Variants in CAPZA2 observed in about 807,000 individuals in gnomAD.
The protein encoded by CAPZA2 is capping actin protein of muscle Z-line subunit alpha 2, also known as F-actin-capping protein subunit alpha-2.
CAPZA2 carries 13 observed loss-of-function variants against 44.0 expected under a neutral mutation model. That is an observed-to-expected ratio of 0.30 (90% CI 0.19 to 0.47). The LOEUF (loss-of-function observed/expected upper bound fraction) is 0.47, where lower values mean the gene tolerates loss of function less well. Among genes scored for constraint, CAPZA2 ranks in the 20% least tolerant of loss-of-function variants. The pLI is 1.00. For synonymous variants in CAPZA2, 94 were observed against 108.2 expected (o/e 0.87, Z 0.81); for missense variants, 244 against 338.6 (o/e 0.72, Z 2.19).
chr7:116,873,556 C>G (rs1796578648), intron 1 of CAPZA2: 1 of 153,290 alleles, frequency 6.5e-6, no homozygotes, highest in Non-Finnish European at 1.5e-5. Flanking sequence ...TGTTTGAAAA[C>G]ATGTTGCCAA....
chr7:116,898,885 T>C, intron 4 of CAPZA2, 50 bp downstream of exon 4: 2 of 1,133,392 alleles, frequency 1.8e-6, no homozygotes, highest in Non-Finnish European at 2.6e-6. Context: ...ACCGTTAAGG[T>C]ATCCTGCAAG....
chr7:116,895,519 C>A (rs1796912902), intron 3 of CAPZA2, among the ~76,000 whole-genome samples: 2 of 152,034 alleles, frequency 1.3e-5, no homozygotes, highest in Admixed American at 1.3e-4. Flanking sequence ...ATATTCTGAT[C>A]TTTTAAGTAA....
intron 1 of CAPZA2, among the ~76,000 whole-genome samples, chr7:116,881,738 CA>C (rs71148338): frequency 0.046 from 2,204 of 47,742 alleles, 31 homozygotes; most frequent in African/African-American, 0.14. Context: ...GACTCTGTCT[CA>C]AAAAAAAAAA....
At position 116,921,838 on chromosome 7, in the gene CAPZA2, C is replaced by T. The variant is rs906337413; in HGVS notation, c.*3971C>T. ...GGACTTAAGCAACTGTGCCACTCAG[C>T]ATTGGAAAGGTCACCTCTGTGACAT... On this transcript the variant is annotated 3_prime_UTR_variant, in exon 10 of 10. Transcript: ENST00000361183. The T allele has an allele frequency of 6.6e-6, 1 of 152,106 alleles. No individual in the cohort carries two copies. The highest frequency in any genetic ancestry group is 1.5e-5 in the Non-Finnish European group (1 of 68,022). The allele number at this position is 152,106 out of a possible 1,614,324, so 9.4% of individuals were successfully genotyped here. A position where few individuals can be genotyped will look rare whatever the true frequency, so the allele number is the denominator to read the frequency against.
At chr7:116,898,678 G>A in intron 3 of CAPZA2, 94 bp from the exon 4 acceptor site, 1 of 700,944 alleles carries the variant, frequency 1.4e-6, no homozygotes, top group Non-Finnish European at 2.4e-6. Flanking sequence ...TGCAATGTAG[G>A]AGGAGACTTT....
chr7:116,879,688 C>T (rs534687356), intron 1 of CAPZA2, among the ~76,000 whole-genome samples: 26 of 152,274 alleles, frequency 1.7e-4, no homozygotes, highest in Non-Finnish European at 3.8e-4. Flanking sequence ...CTCCTCACCT[C>T]CCTGCTGTGT....
At chr7:116,879,261 T>G (rs57800641) in intron 1 of CAPZA2, among the ~76,000 whole-genome samples, 1,930 of 152,024 alleles carry the variant, frequency 0.013, 44 homozygotes, top group African/African-American at 0.044. Context: ...CGCTAATGAC[T>G]AGTAGAGGTT....
intron 1 of CAPZA2, among the ~76,000 whole-genome samples, chr7:116,887,826 C>G (rs1796783630): frequency 2.0e-5 from 3 of 152,134 alleles, no homozygotes; most frequent in South Asian, 2.1e-4. Flanking sequence ...GAGTGAGACT[C>G]CATCTCAAAA....
Position 116,918,100 on chromosome 7 carries a change from T to C in CAPZA2, c.*233T>C, listed in dbSNP as rs1009337167. On this transcript the variant is annotated 3_prime_UTR_variant, in exon 10 of 10. Coordinates refer to ENST00000361183, the MANE Select transcript of CAPZA2 (RefSeq NM_006136.3). ...TTTAAATGTCTTTCTGTTAGGCCTT[T>C]CTTTCTTACAATGAAGAGATGATTC... The C allele has an allele frequency of 3.0e-5, 11 of 371,386 alleles. No homozygotes were observed. In the Admixed American group the frequency reaches 4.1e-4, roughly 14 times the overall value. 23.0% of individuals were successfully genotyped at this position (371,386 alleles called of 1,614,324 possible). A position where few individuals can be genotyped will look rare whatever the true frequency, so the allele number is the denominator to read the frequency against.
intron 6 of CAPZA2, among the ~76,000 whole-genome samples, chr7:116,907,556 A>G (rs1791534341): frequency 6.6e-6 from 1 of 152,222 alleles, no homozygotes; most frequent in South Asian, 2.1e-4. Flanking sequence ...AATACATTGG[A>G]GCTGTTACAA....
chr7:116,915,913 A>T, intron 8 of CAPZA2, 147 bp from the exon 9 acceptor site: 1 of 544,096 alleles, frequency 1.8e-6, no homozygotes, highest in Non-Finnish European at 3.0e-6. Flanking sequence ...CCTTAGACTT[A>T]GAATAATTGA....
intron 2 of CAPZA2, among the ~76,000 whole-genome samples, chr7:116,892,350 G>T (rs1446641680): frequency 6.6e-6 from 1 of 152,126 alleles, no homozygotes; most frequent in African/African-American, 2.4e-5. Context: ...GACTAGAAAA[G>T]AATTTGGTTT....
In CAPZA2 at chr7:116,919,948, G is replaced by A. The variant is rs564422415; in HGVS notation, c.*2081G>A. 2.0e-5 allele frequency: 3 copies of A among 147,068 alleles called. No homozygotes were observed. Among genetic ancestry groups the A allele is most frequent in the Non-Finnish European group, 3.0e-5 (2 of 66,384 alleles). 9.1% of individuals were successfully genotyped at this position (147,068 alleles called of 1,614,324 possible). On this transcript the variant is annotated 3_prime_UTR_variant, in exon 10 of 10. Coordinates refer to ENST00000361183, the MANE Select transcript of CAPZA2 (RefSeq NM_006136.3). ...CACAGAATAGTCTTTTATAGTATAA[G>A]AATGGCATTTATTAGGCAGGGCACA... is the stretch of plus-strand genomic sequence containing the variant.
chr7:116,879,124 C>CAAAAAAAAAAAA lies in CAPZA2; in HGVS notation c.40-8989_40-8978dup, dbSNP rs71148337. On this transcript the variant is annotated intron_variant, in intron 1 of 9. Transcript: ENST00000361183. Reference sequence around the variant, plus strand: ...CTGGCGACAGAGCATAACTCTGTCTCAAAAAAAAAAAAAAAAAAAAAAAAA... The same window carrying CAAAAAAAAAAAA: ...CTGGCGACAGAGCATAACTCTGTCTCAAAAAAAAAAAAAAAAAAAAAAAAAAAAAAAAAAAAA... Among the ~76,000 whole-genome samples, 14 of 45,308 alleles carry CAAAAAAAAAAAA rather than the reference C, an allele frequency of 3.1e-4. 1 individual carries two copies. Among genetic ancestry groups the CAAAAAAAAAAAA allele is most frequent in the Non-Finnish European group, 4.9e-4 (11 of 22,576 alleles). The allele number at this position is 45,308 out of a possible 152,430, so 29.7% of individuals were successfully genotyped here. A position where few individuals can be genotyped will look rare whatever the true frequency, so the allele number is the denominator to read the frequency against.
chr7:116,863,381 C>T (rs957284466), intron 1 of CAPZA2, among the ~76,000 whole-genome samples: 5 of 152,204 alleles, frequency 3.3e-5, no homozygotes, highest in Admixed American at 2.6e-4. Context: ...GCAGCCCCCC[C>T]CCGGGGGTCG....
At chr7:116,904,145 ATTTTTT>A in intron 4 of CAPZA2, 26 bp from the exon 5 acceptor site, 1 of 1,381,698 alleles carries the variant, frequency 7.2e-7, no homozygotes, top group Non-Finnish European at 1.0e-6. Flanking sequence ...CTGTTTTTTT[ATTTTTT>A]TTCTAAATTC....
Position 116,904,177 on chromosome 7 carries a change from G to A in CAPZA2, c.220G>A (p.Val74Ile). ...PVKIEGYEDQVLITEHGDLGN... is the reference protein window; with the variant it reads ...PVKIEGYEDQILITEHGDLGN... ...TTCTAAATTCATTCCATCATCAAAG[G>A]TATTGATAACAGAACATGGCGACTT... The change falls in exon 5 of 10, where the codon GTA (valine) becomes ATA (isoleucine). Residue 74 changes from valine (V) to isoleucine (I), a missense_variant and splice_region_variant. Coordinates refer to ENST00000361183, the MANE Select transcript of CAPZA2 (RefSeq NM_006136.3). 6.3e-7 allele frequency: 1 copy of A among 1,579,776 alleles called. No homozygotes were observed. The highest frequency in any genetic ancestry group is 8.7e-7 in the Non-Finnish European group (1 of 1,151,514).
intron 8 of CAPZA2, among the ~76,000 whole-genome samples, chr7:116,913,779 T>C (rs1791629195): frequency 6.7e-6 from 1 of 148,390 alleles, no homozygotes; most frequent in East Asian, 2.0e-4. Flanking sequence ...ATTTTTTTTT[T>C]TTTTTTTTTT....
Position 116,893,030 on chromosome 7 carries a change from G to A in CAPZA2, c.140G>A (p.Arg47Lys). Residue 47 changes from arginine (R) to lysine (K), a missense_variant, in exon 3 of 10, where the codon AGG (arginine) becomes AAG (lysine). Physicochemically the swap from Arg to Lys is conservative, Grantham distance 26. Coordinates refer to ENST00000361183, the MANE Select transcript of CAPZA2 (RefSeq NM_006136.3). ...CTGCTTAATAATGACAATCTTCTCA[G>A]GGAAGGAGCAGCCCAGTAAGTATTA... ...RLLLNNDNLL[R>K]EGAAHAFAQY... 1 of 1,598,132 alleles carries A rather than the reference G, an allele frequency of 6.3e-7. No individual in the cohort carries two copies. The highest frequency in any genetic ancestry group is 8.6e-7 in the Non-Finnish European group (1 of 1,169,272).
Sources: gnomAD v4.1 joint callset for allele counts (sites outside exome capture counted in the v4.1 genomes callset) on GRCh38, gnomAD v4.1.1 for gene constraint, MANE v1.5 for transcripts, NCBI Gene and HGNC (gene_info 2026-07-23, HGNC 2026-07-21) for gene names.